Variants in COL4A3 observed in about 807,000 individuals in gnomAD.
COL4A3 encodes the protein collagen type IV alpha 3 chain, also known as collagen alpha-3(IV) chain.
Under a neutral mutation model 217.4 loss-of-function variants are expected in COL4A3, and 135 were observed. The observed-to-expected ratio is 0.62, with a 90% CI of 0.54 to 0.72. The LOEUF is 0.72. Ranked by LOEUF, COL4A3 falls within the 30% of genes least tolerant of loss-of-function variation. COL4A3 has a pLI of 0.00. For missense variants in COL4A3, 1,868 were observed against 2,119.9 expected (o/e 0.88, Z 2.33); for synonymous variants, 690 against 736.3 (o/e 0.94, Z 1.02).
chr2:227,232,702 C>T (rs1380688711), intron 1 of COL4A3, among the ~76,000 whole-genome samples: 1 of 151,816 alleles, frequency 6.6e-6, no homozygotes, highest in Non-Finnish European at 1.5e-5. Flanking sequence ...AATCTTTTGC[C>T]CATTTTTTGA....
intron 4 of COL4A3, among the ~76,000 whole-genome samples, chr2:227,244,644 T>C (rs757318615): frequency 6.6e-6 from 1 of 152,198 alleles, no homozygotes; most frequent in Non-Finnish European, 1.5e-5. Flanking sequence ...GGTCAACCTT[T>C]GTTAAGCTGT....
intron 1 of COL4A3, among the ~76,000 whole-genome samples, chr2:227,192,083 C>G (rs557943681): frequency 6.6e-6 from 1 of 152,190 alleles, no homozygotes; most frequent in African/African-American, 2.4e-5. Context: ...TCTCTGTGCT[C>G]AAGTATTCAT....
At chr2:227,206,654 A>G (rs4675152) in intron 1 of COL4A3, among the ~76,000 whole-genome samples, 119,225 of 152,016 alleles carry the variant, frequency 0.78, 47,184 homozygotes, top group African/African-American at 0.87. Context: ...CAGACTCTCA[A>G]GCCCTGCCCC....
At chr2:227,247,102 G>C (rs1184471818) in intron 7 of COL4A3, among the ~76,000 whole-genome samples, 2 of 152,184 alleles carry the variant, frequency 1.3e-5, no homozygotes, top group African/African-American at 2.4e-5. Context: ...TCCTGTAAAG[G>C]AGGAGCAGCC....
intron 1 of COL4A3, among the ~76,000 whole-genome samples, chr2:227,187,589 G>A (rs755970095): frequency 2.0e-5 from 3 of 152,148 alleles, no homozygotes; most frequent in Non-Finnish European, 4.4e-5. Context: ...TAGTTCTTGA[G>A]GCAGGTCTCA....
Position 227,280,889 on chromosome 2 carries a change from G to T in COL4A3, c.2375-4G>T. On this transcript the variant is annotated splice_region_variant and splice_polypyrimidine_tract_variant and intron_variant, in intron 30 of 51. Coordinates refer to ENST00000396578, the MANE Select transcript of COL4A3 (RefSeq NM_000091.5). ...TGGGTATATACTTGTGCTTTCTTTT[G>T]CAGGAGATCCAGGGCAGCCTGGACC... 1 of 1,548,858 alleles carries T rather than the reference G, an allele frequency of 6.5e-7. No homozygotes were observed. Among genetic ancestry groups the T allele is most frequent in the Non-Finnish European group, 8.7e-7 (1 of 1,143,574 alleles).
chr2:227,304,418 G>A (rs957065605), intron 46 of COL4A3: 1 of 415,562 alleles, frequency 2.4e-6, no homozygotes, highest in Non-Finnish European at 4.4e-6. Flanking sequence ...GTAAAGGTAT[G>A]TCTATCTCCT....
chr2:227,310,116 C>G (rs769331930), intron 50 of COL4A3, among the ~76,000 whole-genome samples: 1 of 152,140 alleles, frequency 6.6e-6, no homozygotes, highest in African/African-American at 2.4e-5. Flanking sequence ...AAAATCTGTG[C>G]CCCTTTTGAC....
At chr2:227,232,411 T>C (rs999505902) in intron 1 of COL4A3, among the ~76,000 whole-genome samples, 2 of 152,274 alleles carry the variant, frequency 1.3e-5, no homozygotes, top group Admixed American at 6.5e-5. Context: ...CTGGATCATA[T>C]GGTAGTGCAA....
rs1222637411 is a variant in COL4A3 at position 227,290,005 on chromosome 2, G to C, written c.2987G>C (p.Arg996Thr). Residue 996 changes from arginine (R) to threonine (T), a missense_variant, in exon 36 of 52, where the codon AGA becomes ACA. By Grantham distance (71) the Arg-to-Thr change is moderately conservative. This residue lies in a region of COL4A3 where 1,503 missense variants were observed against 1,786.1 expected (regional missense o/e 0.84). Coordinates refer to ENST00000396578, the MANE Select transcript of COL4A3 (RefSeq NM_000091.5). ...LPGPAGPPGPRGDLGSTGNPG... is the reference protein window; with the variant it reads ...LPGPAGPPGPTGDLGSTGNPG... ...CTACTTATTTGTTCTCAAGGCCCCA[G>C]AGGAGATTTGGGCAGCACTGGGAAT... is the stretch of plus-strand genomic sequence containing the variant. 3 of 1,614,118 alleles carry C rather than the reference G, an allele frequency of 1.9e-6. No individual in the cohort carries two copies. Among genetic ancestry groups the C allele is most frequent in the Middle Eastern group, 1.6e-4 (1 of 6,062 alleles).
At chr2:227,225,873 G>A (rs60968090) in intron 1 of COL4A3, among the ~76,000 whole-genome samples, 18,752 of 151,714 alleles carry the variant, frequency 0.12, 1,283 homozygotes, top group East Asian at 0.29. Flanking sequence ...CACCATGCCC[G>A]GCTAACTTTT....
intron 1 of COL4A3, among the ~76,000 whole-genome samples, chr2:227,198,628 A>G (rs961860181): frequency 2.0e-5 from 3 of 152,196 alleles, no homozygotes; most frequent in African/African-American, 7.2e-5. Flanking sequence ...CTACTGGAGA[A>G]ATGAAAATGA....
At chr2:227,194,986 T>G (rs1350810343) in intron 1 of COL4A3, among the ~76,000 whole-genome samples, 1 of 152,130 alleles carries the variant, frequency 6.6e-6, no homozygotes, top group African/African-American at 2.4e-5. Flanking sequence ...AATTAAGAGA[T>G]AGATAATCTA....
In COL4A3 at chr2:227,251,473, T is replaced by A. The variant is rs1337047857; in HGVS notation, c.645+102T>A. ...TGTGGGTCACTGTTAGGCACCTCTC[T>A]GGAACTCACAAGGATCCCTAGCAGG... On this transcript the variant is annotated intron_variant, in intron 11 of 51. Coordinates refer to ENST00000396578, the MANE Select transcript of COL4A3 (RefSeq NM_000091.5). 2.8e-6 allele frequency: 3 copies of A among 1,077,288 alleles called. No homozygotes were observed. The African/African-American group carries it at 4.7e-5, about 17-fold the overall frequency. 66.7% of individuals were successfully genotyped at this position (1,077,288 alleles called of 1,614,324 possible).
intron 1 of COL4A3, among the ~76,000 whole-genome samples, chr2:227,210,445 C>T (rs1253582694): frequency 8.0e-6 from 1 of 125,698 alleles, no homozygotes; most frequent in South Asian, 2.5e-4. Context: ...AAAAAATTAG[C>T]CAAGTGTGGT....
At chr2:227,237,291 G>C (rs777171809) in intron 1 of COL4A3, among the ~76,000 whole-genome samples, 12 of 152,152 alleles carry the variant, frequency 7.9e-5, no homozygotes, top group Admixed American at 1.3e-4. Flanking sequence ...CCTCTTCCCA[G>C]TCTTAAACAT....
chr2:227,254,221 C>T lies in COL4A3; in HGVS notation c.828+47C>T, dbSNP rs780818218. The T allele has an allele frequency of 8.0e-6, 12 of 1,507,848 alleles. No individual in the cohort carries two copies. The African/African-American group carries it at 1.7e-4, about 21-fold the overall frequency. 93.4% of individuals were successfully genotyped at this position (1,507,848 alleles called of 1,614,324 possible). ...TGTCCCCATAACACATAAAGTAGAG[C>T]CTTAGTATTTACTTTGATGTGTGTT... On this transcript the variant is annotated intron_variant, in intron 14 of 51. Transcript: ENST00000396578.
Position 227,294,956 on chromosome 2 carries a change from T to G in COL4A3, c.3419-8T>G, listed in dbSNP as rs754483986. 161 of 1,608,064 alleles carry G rather than the reference T, an allele frequency of 1.0e-4. 1 individual carries two copies. The highest frequency in any genetic ancestry group is 1.3e-4 in the Non-Finnish European group (153 of 1,175,996). ...TTGGGGTTTTTGGGTTTTTTTTTTT[T>G]TTTTCAGGTCTTCCAGGATTTCCAG... On this transcript the variant is annotated splice_region_variant and splice_polypyrimidine_tract_variant and intron_variant, in intron 39 of 51. Transcript: ENST00000396578.
intron 26 of COL4A3, among the ~76,000 whole-genome samples, chr2:227,275,018 C>T (rs2106116819): frequency 6.6e-6 from 1 of 152,326 alleles, no homozygotes; most frequent in Middle Eastern, 3.4e-3. Context: ...CACAGCTGCA[C>T]TCCTGTATGT....
Sources: allele counts gnomAD v4.1 joint callset (sites outside exome capture counted in the v4.1 genomes callset), GRCh38; gene constraint gnomAD v4.1.1; regional missense constraint gnomAD v4.1.1; transcripts MANE v1.5; gene names NCBI Gene and HGNC (gene_info 2026-07-23, HGNC 2026-07-21).